The following FAM20B variants were observed in gnomAD, a reference collection of about 807,000 sequenced individuals.
The protein encoded by FAM20B is FAM20B glycosaminoglycan xylosylkinase.
A neutral mutation model predicts 43.8 loss-of-function variants in FAM20B; 23 were observed. The ratio of observed to expected loss-of-function variants is 0.53; its 90% CI spans 0.38 to 0.74. FAM20B has a LOEUF of 0.74. Ranked by LOEUF, FAM20B falls within the 30% of genes least tolerant of loss-of-function variation. FAM20B has a pLI of 0.00. For missense variants in FAM20B, 440 were observed against 510.5 expected, an observed-to-expected ratio of 0.86 and a Z score of 1.33; for synonymous variants, 178 against 192.4, an observed-to-expected ratio of 0.93 and a Z score of 0.62.
At chr1:179,071,655 A>G (rs574024341) in intron 7 of FAM20B, among the ~76,000 whole-genome samples, 1 of 152,330 alleles carries the variant, frequency 6.6e-6, no homozygotes, top group South Asian at 2.1e-4. Flanking sequence ...AGATTGTTCA[A>G]CATTTTTCCT....
Position 179,037,861 on chromosome 1 carries a change from G to A in FAM20B, c.-133-5854G>A, listed in dbSNP as rs1468916604. On this transcript the variant is annotated intron_variant, in intron 1 of 7. Coordinates refer to ENST00000263733, the MANE Select transcript of FAM20B (RefSeq NM_014864.4). ...TGGCCCTGAATTGATGAATGTGTTC[G>A]TCTGAGGCCGCTTCAAAAGGAGAAG... Among the ~76,000 whole-genome samples the A allele has an allele frequency of 2.0e-5, 3 of 152,156 alleles. 1 individual carries two copies. Among genetic ancestry groups the A allele is most frequent in the South Asian group, 4.1e-4 (2 of 4,822 alleles).
intron 6 of FAM20B, among the ~76,000 whole-genome samples, chr1:179,065,994 G>A (rs977986000): frequency 3.3e-5 from 5 of 152,154 alleles, no homozygotes; most frequent in African/African-American, 1.2e-4. Context: ...TCCCGTTCAT[G>A]TGGGCTCTTC....
chr1:179,076,261 C>T lies in FAM20B; in HGVS notation c.*4117C>T, dbSNP rs1652124292. On this transcript the variant is annotated 3_prime_UTR_variant, in exon 8 of 8. Coordinates refer to ENST00000263733, the MANE Select transcript of FAM20B (RefSeq NM_014864.4). ...TCAATTCCTCAAGTCTGGGTGGTGA[C>T]AAGGTAGGGGCTAGGTACTGGACTA... 6.6e-6 allele frequency: 1 copy of T among 152,052 alleles called. No homozygotes were observed. Among genetic ancestry groups the T allele is most frequent in the Non-Finnish European group, 1.5e-5 (1 of 68,012 alleles). 9.4% of individuals were successfully genotyped at this position (152,052 alleles called of 1,614,324 possible).
At chr1:179,069,531 C>T (rs1186853548) in intron 7 of FAM20B, among the ~76,000 whole-genome samples, 1 of 152,032 alleles carries the variant, frequency 6.6e-6, no homozygotes, top group African/African-American at 2.4e-5. Context: ...CCACCACGCC[C>T]AGCTAATTTT....
intron 2 of FAM20B, among the ~76,000 whole-genome samples, chr1:179,045,924 G>A (rs553775539): frequency 1.8e-4 from 27 of 151,450 alleles, no homozygotes; most frequent in Admixed American, 5.9e-4. Context: ...AAAAAAAACC[G>A]TGGTTATGTG....
chr1:179,031,698 G>C lies in FAM20B; in HGVS notation c.-134+5600G>C, dbSNP rs149292381. 3.5e-3 allele frequency among the ~76,000 whole-genome samples: 539 copies of C among 152,272 alleles called. 4 individuals carry two copies. The highest frequency in any genetic ancestry group is 0.012 in the African/African-American group (514 of 41,542). ...GAAGTGAAAACAGTAAGGAAAACCTGACACTTGGACCAATTTGGATTATGT... is the reference window on the plus strand; with the variant it reads ...GAAGTGAAAACAGTAAGGAAAACCTCACACTTGGACCAATTTGGATTATGT... On this transcript the variant is annotated intron_variant, in intron 1 of 7. Transcript: ENST00000263733.
At chr1:179,053,834 A>G (rs1275191664) in intron 3 of FAM20B, among the ~76,000 whole-genome samples, 1 of 152,196 alleles carries the variant, frequency 6.6e-6, no homozygotes, top group African/African-American at 2.4e-5. Flanking sequence ...CCCACACTTA[A>G]AGGGAAAGCA....
At chr1:179,033,949 C>T (rs1650113191) in intron 1 of FAM20B, among the ~76,000 whole-genome samples, 1 of 152,150 alleles carries the variant, frequency 6.6e-6, no homozygotes, top group African/African-American at 2.4e-5. Flanking sequence ...CATCTCACCT[C>T]CCAAAGTGCT....
At position 179,074,442 on chromosome 1, in the gene FAM20B, T is replaced by C. The variant is rs1190561140; in HGVS notation, c.*2298T>C. 1 of 152,582 alleles carries C rather than the reference T, an allele frequency of 6.6e-6. No homozygotes were observed. The highest frequency in any genetic ancestry group is 1.5e-5 in the Non-Finnish European group (1 of 68,036). The allele number at this position is 152,582 out of a possible 1,614,324, so 9.5% of individuals were successfully genotyped here. On this transcript the variant is annotated 3_prime_UTR_variant, in exon 8 of 8. Coordinates refer to ENST00000263733, the MANE Select transcript of FAM20B (RefSeq NM_014864.4). ...TGTAAATGTTAGTTGAACTAAGTTATGGATTTGTGGTCTTTCAAATACATG... is the reference window on the plus strand; with the variant it reads ...TGTAAATGTTAGTTGAACTAAGTTACGGATTTGTGGTCTTTCAAATACATG...
At chr1:179,022,467 C>T (rs1276221418), upstream of FAM20B, among the ~76,000 whole-genome samples, 3 of 152,094 alleles carry the variant, frequency 2.0e-5, no homozygotes, top group Non-Finnish European at 4.4e-5. Context: ...TGTGTGCGCG[C>T]GCGCGTGTAT....
intron 2 of FAM20B, among the ~76,000 whole-genome samples, chr1:179,046,352 T>A (rs2102500514): frequency 6.6e-6 from 1 of 152,276 alleles, no homozygotes; most frequent in East Asian, 1.9e-4. Context: ...AAAAATAAAA[T>A]TTGTATATAA....
intron 1 of FAM20B, among the ~76,000 whole-genome samples, chr1:179,026,476 G>T (rs546829918): frequency 6.6e-6 from 1 of 152,242 alleles, no homozygotes; most frequent in East Asian, 1.9e-4. Flanking sequence ...CCCTTGCGCG[G>T]TCCCCAGAGG....
In FAM20B at chr1:179,060,932, T is replaced by G. The variant is rs115512905; in HGVS notation, c.575-2995T>G. ...ATTTCATATGAAGCATCTTTTTGTT[T>G]GAGAGCTATTTGTATTTTCTGTTAA... On this transcript the variant is annotated intron_variant, in intron 4 of 7. Coordinates refer to ENST00000263733, the MANE Select transcript of FAM20B (RefSeq NM_014864.4). Among the ~76,000 whole-genome samples, 379 of 152,328 alleles carry G rather than the reference T, an allele frequency of 2.5e-3. 5 individuals are homozygous for G. Among genetic ancestry groups the G allele is most frequent in the African/African-American group, 8.9e-3 (369 of 41,582 alleles).
intron 1 of FAM20B, among the ~76,000 whole-genome samples, chr1:179,029,742 T>G (rs1649930606): frequency 6.6e-6 from 1 of 152,228 alleles, no homozygotes; most frequent in African/African-American, 2.4e-5. Context: ...AAGTCTATCA[T>G]TCCATGCTCT....
intron 1 of FAM20B, among the ~76,000 whole-genome samples, chr1:179,035,051 A>C (rs1026343649): frequency 2.6e-5 from 4 of 152,176 alleles, no homozygotes; most frequent in Admixed American, 1.3e-4. Flanking sequence ...TCAAGGGGAC[A>C]CTTCTAATAA....
chr1:179,063,903 A>T, intron 4 of FAM20B, 24 bp from the exon 5 acceptor site: 1 of 1,570,328 alleles, frequency 6.4e-7, no homozygotes, highest in Non-Finnish European at 8.7e-7. Flanking sequence ...CCTTAAGTGT[A>T]TTTGGCTCCT....
At chr1:179,066,920 A>G in intron 7 of FAM20B, 61 bp downstream of exon 7, 1 of 1,213,300 alleles carries the variant, frequency 8.2e-7, no homozygotes, top group South Asian at 1.2e-5. Context: ...CTCAGGTAAC[A>G]GTACATCCAT....
chr1:179,018,373 C>T, the FAM20B span, among the ~76,000 whole-genome samples: 1 of 152,158 alleles, frequency 6.6e-6, no homozygotes, highest in Non-Finnish European at 1.5e-5. Flanking sequence ...ATGGTACAAT[C>T]TCAGCTCACT....
intron 1 of FAM20B, among the ~76,000 whole-genome samples, chr1:179,028,156 C>T (rs768468986): frequency 6.6e-6 from 1 of 152,182 alleles, no homozygotes; most frequent in Non-Finnish European, 1.5e-5. Flanking sequence ...TAGTGTAAAA[C>T]CCTAAAGCCA....
Sources: gnomAD v4.1 joint callset for allele counts (sites outside exome capture counted in the v4.1 genomes callset) on GRCh38, gnomAD v4.1.1 for gene constraint, MANE v1.5 for transcripts, NCBI Gene and HGNC (gene_info 2026-07-23, HGNC 2026-07-21) for gene names.